Variants in ADAM20 observed in about 807,000 individuals in gnomAD.
The protein encoded by ADAM20 is disintegrin and metalloproteinase domain-containing protein 20.
For missense variants in ADAM20, 871 were observed against 883.2 expected, an observed-to-expected ratio of 0.99 and a Z score of 0.18; for synonymous variants, 305 against 310.2, an observed-to-expected ratio of 0.98 and a Z score of 0.18.
At chr14:70,573,035 A>G in the ADAM20 span, among the ~76,000 whole-genome samples, 1 of 152,334 alleles carries the variant, frequency 6.6e-6, no homozygotes, top group East Asian at 1.9e-4. Context: ...GAGAATTCTC[A>G]AAGAACTAAA....
chr14:70,525,843 A>C (rs554325672), intron 1 of ADAM20, among the ~76,000 whole-genome samples: 4 of 152,290 alleles, frequency 2.6e-5, no homozygotes, highest in African/African-American at 4.8e-5. Flanking sequence ...CTAAGGAAGG[A>C]AGGCATGTGA....
At chr14:70,564,959 GA>G in the ADAM20 span, among the ~76,000 whole-genome samples, 1 of 150,946 alleles carries the variant, frequency 6.6e-6, no homozygotes, top group Non-Finnish European at 1.5e-5. Context: ...GAGGCAGGAG[GA>G]TTGCTTGAGC....
chr14:70,556,172 C>T, the ADAM20 span: 1 of 152,368 alleles, frequency 6.6e-6, no homozygotes, highest in Admixed American at 6.5e-5. Flanking sequence ...CAGCGGCGCA[C>T]AAACCAGGCC....
At chr14:70,532,509 T>C (rs1883734965) in intron 1 of ADAM20, among the ~76,000 whole-genome samples, 3 of 151,984 alleles carry the variant, frequency 2.0e-5, no homozygotes, top group Non-Finnish European at 2.9e-5. Context: ...AAGGAGACAA[T>C]CAACAGATTG....
At chr14:70,539,738 T>G (rs1883906655), upstream of ADAM20, among the ~76,000 whole-genome samples, 1 of 152,238 alleles carries the variant, frequency 6.6e-6, no homozygotes, top group Non-Finnish European at 1.5e-5. Flanking sequence ...CTCTGTATAC[T>G]GTACTTCTGC....
the ADAM20 span, among the ~76,000 whole-genome samples, chr14:70,572,135 A>T: frequency 6.6e-6 from 1 of 152,204 alleles, no homozygotes; most frequent in Non-Finnish European, 1.5e-5. Flanking sequence ...AATTACGGAA[A>T]CTTCACATGG....
chr14:70,531,668 C>A (rs1415893603), intron 1 of ADAM20, among the ~76,000 whole-genome samples: 1 of 151,906 alleles, frequency 6.6e-6, no homozygotes, highest in African/African-American at 2.4e-5. Context: ...TTGCAGGATA[C>A]AAAATCAACT....
rs181298076 is a variant in ADAM20, at chr14:70,529,932, C to T, written c.-177+4865G>A. Reference sequence around the variant, plus strand: ...TACTTTTAATTTTTCAACTTCTTGACTGTTTTGTAATAACACTTAGCTTGA... The same window carrying T: ...TACTTTTAATTTTTCAACTTCTTGATTGTTTTGTAATAACACTTAGCTTGA... On this transcript the variant is annotated intron_variant, in intron 1 of 1. Transcript: ENST00000256389. Among the ~76,000 whole-genome samples, 305 of 152,250 alleles carry T rather than the reference C, an allele frequency of 2.0e-3. 1 individual carries two copies. Among genetic ancestry groups the T allele is most frequent in the African/African-American group, 7.0e-3 (289 of 41,560 alleles).
chr14:70,535,684 C>A (rs1270871078), upstream of ADAM20, among the ~76,000 whole-genome samples: 2 of 152,130 alleles, frequency 1.3e-5, no homozygotes, highest in Admixed American at 6.5e-5. Flanking sequence ...GATCTCAACA[C>A]GCTCCAGAGC....
At chr14:70,531,547 C>T (rs1266305745) in intron 1 of ADAM20, among the ~76,000 whole-genome samples, 1 of 152,048 alleles carries the variant, frequency 6.6e-6, no homozygotes, top group Non-Finnish European at 1.5e-5. Context: ...ATGTCCATAT[C>T]AGAAAGGAAG....
chr14:70,558,093 G>T, the ADAM20 span, among the ~76,000 whole-genome samples: 8 of 152,212 alleles, frequency 5.3e-5, no homozygotes, highest in African/African-American at 1.9e-4. Context: ...AAGGTAACAA[G>T]TGTGTGGCAC....
At chr14:70,577,633 C>T in the ADAM20 span, among the ~76,000 whole-genome samples, 2 of 152,140 alleles carry the variant, frequency 1.3e-5, no homozygotes, top group Non-Finnish European at 2.9e-5. Context: ...TCTCACACAT[C>T]CTGATTTCAA....
intron 1 of ADAM20, among the ~76,000 whole-genome samples, chr14:70,527,117 TC>T (rs1159523627): frequency 6.6e-6 from 1 of 152,168 alleles, no homozygotes; most frequent in Non-Finnish European, 1.5e-5. Context: ...TTATTGTGGG[TC>T]ACAGTCAAAA....
At chr14:70,528,719 C>T (rs1883645419) in intron 1 of ADAM20, among the ~76,000 whole-genome samples, 1 of 152,114 alleles carries the variant, frequency 6.6e-6, no homozygotes. Flanking sequence ...GACAAGGACA[C>T]AGTAGATGAT....
chr14:70,564,153 G>GAA, the ADAM20 span, among the ~76,000 whole-genome samples: 1 of 152,258 alleles, frequency 6.6e-6, no homozygotes, highest in Non-Finnish European at 1.5e-5. Flanking sequence ...GTGAGCCTGA[G>GAA]ACAACTAGGA....
upstream of ADAM20, among the ~76,000 whole-genome samples, chr14:70,536,225 A>G (rs2139544752): frequency 6.6e-6 from 1 of 152,024 alleles, no homozygotes; most frequent in South Asian, 2.1e-4. Context: ...TAGCACTTTG[A>G]GAGGTTGAGG....
At chr14:70,572,924 T>TA in the ADAM20 span, among the ~76,000 whole-genome samples, 764 of 147,910 alleles carry the variant, frequency 5.2e-3, 5 homozygotes, top group Admixed American at 6.9e-3. Context: ...TACTAAAAAG[T>TA]AAAAAAAAAA....
chr14:70,556,026 A>T, the ADAM20 span, among the ~76,000 whole-genome samples: 1 of 152,130 alleles, frequency 6.6e-6, no homozygotes, highest in African/African-American at 2.4e-5. Context: ...GCATTTTCCG[A>T]CTCTAGTCTC....
intron 1 of ADAM20, among the ~76,000 whole-genome samples, chr14:70,530,983 G>A (rs1489403473): frequency 6.6e-6 from 1 of 150,722 alleles, no homozygotes; most frequent in Admixed American, 6.6e-5. Context: ...ACAGAAAAAA[G>A]ACATAAACAT....
Sources: allele counts gnomAD v4.1 joint callset (sites outside exome capture counted in the v4.1 genomes callset), GRCh38; gene constraint gnomAD v4.1.1; transcripts MANE v1.5; gene names NCBI Gene and HGNC (gene_info 2026-07-23, HGNC 2026-07-21).